The following CPQ variants were observed in gnomAD, a reference collection of about 807,000 sequenced individuals.
CPQ encodes the protein Ser-Met dipeptidase.
In CPQ, 37 loss-of-function variants were observed where a neutral mutation model predicts 45.7. The ratio of observed to expected loss-of-function variants is 0.81; its 90% CI spans 0.62 to 1.07. CPQ has a LOEUF of 1.07. Ranked by LOEUF, CPQ falls within the 50% of genes least tolerant of loss-of-function variation. CPQ has a pLI of 0.00. For missense variants in CPQ, 537 were observed against 572.9 expected, an observed-to-expected ratio of 0.94 and a Z score of 0.64; for synonymous variants, 186 against 205.8, an observed-to-expected ratio of 0.90 and a Z score of 0.82.
chr8:96,846,402 C>G (rs1304370801), intron 3 of CPQ, among the ~76,000 whole-genome samples: 1 of 152,096 alleles, frequency 6.6e-6, no homozygotes, highest in East Asian at 1.9e-4. Context: ...ATATGTTTTG[C>G]AAATATTTTC....
chr8:96,845,238 T>C (rs1811668380), intron 3 of CPQ, among the ~76,000 whole-genome samples: 1 of 152,200 alleles, frequency 6.6e-6, no homozygotes, highest in South Asian at 2.1e-4. Flanking sequence ...TATTTGGTAA[T>C]TTATGTCTAT....
intron 7 of CPQ, among the ~76,000 whole-genome samples, chr8:97,074,341 G>A (rs996871536): frequency 2.0e-5 from 3 of 152,096 alleles, no homozygotes; most frequent in Admixed American, 1.3e-4. Flanking sequence ...AATAAGCTAA[G>A]GAACAATAAA....
At chr8:96,805,473 C>T (rs1373721158) in intron 2 of CPQ, among the ~76,000 whole-genome samples, 1 of 152,112 alleles carries the variant, frequency 6.6e-6, no homozygotes, top group East Asian at 1.9e-4. Flanking sequence ...GGGAATAATA[C>T]TAGTGTCTAC....
chr8:96,929,428 G>T (rs1318276143), intron 4 of CPQ, among the ~76,000 whole-genome samples: 2 of 152,150 alleles, frequency 1.3e-5, no homozygotes, highest in African/African-American at 4.8e-5. Flanking sequence ...TGCTTTATCA[G>T]ATTAAACAAA....
At chr8:97,040,060 T>A (rs1810088714) in intron 6 of CPQ, among the ~76,000 whole-genome samples, 1 of 151,252 alleles carries the variant, frequency 6.6e-6, no homozygotes, top group South Asian at 2.1e-4. Flanking sequence ...ATCGCCACAC[T>A]GACTTCCACA....
intron 2 of CPQ, among the ~76,000 whole-genome samples, chr8:96,833,652 T>G (rs1811488506): frequency 1.3e-5 from 2 of 152,220 alleles, no homozygotes; most frequent in African/African-American, 4.8e-5. Flanking sequence ...GCATATTATA[T>G]GAAAAAAGCT....
intron 2 of CPQ, among the ~76,000 whole-genome samples, chr8:96,795,243 G>T (rs980075524): frequency 2.6e-5 from 4 of 152,186 alleles, no homozygotes; most frequent in Non-Finnish European, 5.9e-5. Context: ...ATGGTGGAAG[G>T]TGAAAGGCAT....
intron 1 of CPQ, among the ~76,000 whole-genome samples, chr8:96,726,363 C>A (rs1410824855): frequency 6.6e-6 from 1 of 152,018 alleles, no homozygotes; most frequent in East Asian, 1.9e-4. Context: ...TCTTGCATTG[C>A]TATAAAGAAA....
intron 2 of CPQ, among the ~76,000 whole-genome samples, chr8:96,832,258 A>G (rs556518735): frequency 6.6e-6 from 1 of 152,112 alleles, no homozygotes; most frequent in Non-Finnish European, 1.5e-5. Flanking sequence ...TGAGTGCCCC[A>G]AGGCCTCTTT....
chr8:96,742,631 A>G (rs201170633), intron 1 of CPQ, among the ~76,000 whole-genome samples: 2 of 151,890 alleles, frequency 1.3e-5, no homozygotes, highest in Non-Finnish European at 2.9e-5. Context: ...TCCTTTCCAT[A>G]TTTAGCACTT....
At chr8:96,868,230 G>C (rs1283888778) in intron 3 of CPQ, among the ~76,000 whole-genome samples, 1 of 152,036 alleles carries the variant, frequency 6.6e-6, no homozygotes, top group African/African-American at 2.4e-5. Context: ...CTTTGTTTTA[G>C]TGAGTGAAAT....
chr8:96,952,480 G>A (rs1813283035), intron 4 of CPQ, among the ~76,000 whole-genome samples: 1 of 152,092 alleles, frequency 6.6e-6, no homozygotes, highest in Non-Finnish European at 1.5e-5. Flanking sequence ...GAGCTGTCAA[G>A]AAGGTTCTTA....
intron 7 of CPQ, among the ~76,000 whole-genome samples, chr8:97,075,611 GA>G (rs5893408): frequency 0.63 from 95,496 of 151,964 alleles, 30,577 homozygotes; most frequent in Non-Finnish European, 0.7. Flanking sequence ...AAAATTACTT[GA>G]AAAGCCAGTG....
chr8:96,952,901 A>G (rs947467832), intron 4 of CPQ, among the ~76,000 whole-genome samples: 1 of 152,102 alleles, frequency 6.6e-6, no homozygotes, highest in Non-Finnish European at 1.5e-5. Flanking sequence ...AAAAGCTGGT[A>G]TTGATAGGGA....
chr8:96,983,656 G>A (rs185269570), intron 5 of CPQ, among the ~76,000 whole-genome samples: 47 of 152,204 alleles, frequency 3.1e-4, no homozygotes, highest in African/African-American at 1.1e-3. Flanking sequence ...CATTAGGATT[G>A]TGATTTTATA....
chr8:96,971,812 G>A (rs1375917044), intron 5 of CPQ, among the ~76,000 whole-genome samples: 1 of 152,186 alleles, frequency 6.6e-6, no homozygotes, highest in South Asian at 2.1e-4. Flanking sequence ...ACTTATCGAT[G>A]AAAGTACCTA....
intron 4 of CPQ, among the ~76,000 whole-genome samples, chr8:96,906,570 T>G (rs1398805006): frequency 6.6e-6 from 1 of 152,160 alleles, no homozygotes; most frequent in East Asian, 1.9e-4. Flanking sequence ...CTACATAGCT[T>G]ATATACAACA....
chr8:96,721,645 A>G lies in CPQ; in HGVS notation c.-34-63219A>G, dbSNP rs578127271. ...CAGAGTGAACTTTTTGAAACACAAAAACACAAATCTCCTGTCATTCTCCTG... is the reference window on the plus strand; with the variant it reads ...CAGAGTGAACTTTTTGAAACACAAAGACACAAATCTCCTGTCATTCTCCTG... On this transcript the variant is annotated intron_variant, in intron 1 of 7. Transcript: ENST00000220763. 3.9e-5 allele frequency among the ~76,000 whole-genome samples: 6 copies of G among 152,102 alleles called. No individual in the cohort carries two copies. The East Asian group carries it at 1.2e-3, about 30-fold the overall frequency.
At chr8:96,835,288 C>T (rs1295481958) in intron 3 of CPQ, 108 bp downstream of exon 3, 4 of 859,288 alleles carry the variant, frequency 4.7e-6, no homozygotes, top group Non-Finnish European at 6.6e-6. Context: ...ACTTATTGTT[C>T]ATGGAGTTTC....
Sources: allele counts gnomAD v4.1 joint callset (sites outside exome capture counted in the v4.1 genomes callset), GRCh38; gene constraint gnomAD v4.1.1; transcripts MANE v1.5; gene names NCBI Gene and HGNC (gene_info 2026-07-23, HGNC 2026-07-21).